Variants in WDR37 observed in about 807,000 individuals in gnomAD.
WDR37 encodes the protein WD repeat domain 37.
A neutral mutation model predicts 62.9 loss-of-function variants in WDR37; 19 were observed. That is an observed-to-expected ratio of 0.30 (90% confidence interval 0.21 to 0.44). The LOEUF is 0.44. Among genes scored for constraint, WDR37 ranks in the 20% least tolerant of loss-of-function variants. The pLI is 1.00. For missense variants in WDR37, 474 were observed against 657.6 expected (o/e 0.72, Z 3.05); for synonymous variants, 250 against 260.9 (o/e 0.96, Z 0.40).
intron 9 of WDR37, 51 bp downstream of exon 9, chr10:1,096,297 T>C: frequency 1.9e-6 from 3 of 1,576,468 alleles, no homozygotes; most frequent in Non-Finnish European, 2.6e-6. Flanking sequence ...TGTCTGCGAA[T>C]CTGAGAATCC....
rs536021072 is a variant in WDR37, at chr10:1,097,833, C to T, written c.726+1587C>T. Among the ~76,000 whole-genome samples the T allele has an allele frequency of 2.0e-5, 3 of 152,324 alleles. No individual in the cohort carries two copies. In the South Asian group the frequency reaches 6.2e-4, roughly 32 times the overall value. ...TGGAAAGGGAGCGTCTGTCCAGTGC[C>T]TGCCCTACTGTTGTATTTTGGGAAC... On this transcript the variant is annotated intron_variant, in intron 9 of 13. Transcript: ENST00000263150.
chr10:1,090,839 G>A (rs1037649771), intron 7 of WDR37, among the ~76,000 whole-genome samples: 6 of 152,156 alleles, frequency 3.9e-5, no homozygotes, highest in African/African-American at 9.7e-5. Flanking sequence ...TGGCATCCCC[G>A]TTTCTGCTCC....
At chr10:1,080,328 C>T (rs763003785) in intron 4 of WDR37, 84 bp from the exon 5 acceptor site, 92 of 1,560,252 alleles carry the variant, frequency 5.9e-5, no homozygotes, top group Non-Finnish European at 7.5e-5. Flanking sequence ...CCCTTTCTTC[C>T]TGTGCAAGAC....
At chr10:1,108,307 C>A (rs916204629) in intron 11 of WDR37, among the ~76,000 whole-genome samples, 1 of 152,124 alleles carries the variant, frequency 6.6e-6, no homozygotes, top group African/African-American at 2.4e-5. Flanking sequence ...AATGGTCCTT[C>A]CCCCATTTTT....
At chr10:1,097,202 T>G (rs1834616952) in intron 9 of WDR37, among the ~76,000 whole-genome samples, 1 of 152,116 alleles carries the variant, frequency 6.6e-6, no homozygotes, top group African/African-American at 2.4e-5. Context: ...AGCCTGTGTC[T>G]GTGACAAAAA....
At chr10:1,125,089 A>C (rs1036796578) in intron 13 of WDR37, 65 bp downstream of exon 13, 1 of 1,568,770 alleles carries the variant, frequency 6.4e-7, no homozygotes, top group African/African-American at 1.4e-5. Flanking sequence ...GATATTTTAC[A>C]TTCTCATTTT....
intron 8 of WDR37, among the ~76,000 whole-genome samples, chr10:1,095,768 T>C (rs1231966053): frequency 6.6e-6 from 1 of 152,094 alleles, no homozygotes; most frequent in African/African-American, 2.4e-5. Flanking sequence ...AAAGGCCGCG[T>C]GTGTGTTGAA....
intron 1 of WDR37, among the ~76,000 whole-genome samples, chr10:1,060,961 C>T (rs1044015506): frequency 6.6e-6 from 1 of 152,158 alleles, no homozygotes; most frequent in African/African-American, 2.4e-5. Flanking sequence ...GGCTGTGCAC[C>T]TAGCTTTGTG....
chr10:1,084,597 T>C, intron 6 of WDR37, 59 bp downstream of exon 6: 3 of 1,583,510 alleles, frequency 1.9e-6, no homozygotes, highest in Non-Finnish European at 2.6e-6. Flanking sequence ...AATCCCTGAG[T>C]GATGGACATT....
In WDR37 at chr10:1,129,555, A is replaced by C. The variant is rs1835911305; in HGVS notation, c.*211A>C. ...ACTTTTGTCTTGTATATGTATGTAT[A>C]TTGGGTCCTCTGGGCAGTAGAGGCA... On this transcript the variant is annotated 3_prime_UTR_variant, in exon 14 of 14. Transcript: ENST00000263150. 1.5e-6 allele frequency: 1 copy of C among 646,000 alleles called. No homozygotes were observed. The highest frequency in any genetic ancestry group is 1.8e-5 in the African/African-American group (1 of 54,504). The allele number at this position is 646,000 out of a possible 1,614,324, so 40.0% of individuals were successfully genotyped here.
intron 13 of WDR37, among the ~76,000 whole-genome samples, chr10:1,126,308 A>G (rs1191529541): frequency 1.3e-4 from 19 of 150,600 alleles, no homozygotes; most frequent in Admixed American, 4.6e-4. Context: ...CGGGAGGCTG[A>G]GGCAGGAGAA....
At chr10:1,111,113 G>C (rs1300053960) in intron 11 of WDR37, among the ~76,000 whole-genome samples, 2 of 152,214 alleles carry the variant, frequency 1.3e-5, no homozygotes, top group African/African-American at 2.4e-5. Context: ...CAACATGTGT[G>C]ACTAAAAATA....
chr10:1,114,066 T>A (rs1782858384), intron 11 of WDR37, among the ~76,000 whole-genome samples: 2 of 147,996 alleles, frequency 1.4e-5, no homozygotes, highest in Non-Finnish European at 3.0e-5. Context: ...AAACAATTCT[T>A]CTGCCTCAGC....
chr10:1,102,161 C>T (rs966989215), intron 9 of WDR37, among the ~76,000 whole-genome samples: 1 of 148,076 alleles, frequency 6.8e-6, no homozygotes, highest in African/African-American at 2.5e-5. Flanking sequence ...TGTTGTGCGT[C>T]CCTGTGACGT....
intron 11 of WDR37, among the ~76,000 whole-genome samples, chr10:1,119,822 G>T (rs1161697599): frequency 6.6e-6 from 1 of 152,216 alleles, no homozygotes; most frequent in Non-Finnish European, 1.5e-5. Flanking sequence ...GAACAGTTCT[G>T]TAGTGCAGCC....
intron 9 of WDR37, among the ~76,000 whole-genome samples, chr10:1,098,734 C>T (rs1213151078): frequency 1.3e-5 from 2 of 152,210 alleles, no homozygotes; most frequent in African/African-American, 4.8e-5. Flanking sequence ...ACACGTTGGT[C>T]ATGGACTTAG....
At chr10:1,071,198 C>T (rs1833718024) in intron 1 of WDR37, among the ~76,000 whole-genome samples, 1 of 152,148 alleles carries the variant, frequency 6.6e-6, no homozygotes, top group Admixed American at 6.6e-5. Context: ...ATGATGGAGG[C>T]ATGTTGGCGT....
At chr10:1,126,152 T>C (rs2131696514) in intron 13 of WDR37, among the ~76,000 whole-genome samples, 1 of 152,252 alleles carries the variant, frequency 6.6e-6, no homozygotes, top group East Asian at 1.9e-4. Context: ...ACGCCTGTAA[T>C]CGTAGCACTT....
chr10:1,098,900 C>T (rs1265448256), intron 9 of WDR37, among the ~76,000 whole-genome samples: 3 of 152,240 alleles, frequency 2.0e-5, no homozygotes, highest in African/African-American at 7.2e-5. Context: ...TTTCAACAGA[C>T]AGTAAACATT....
Sources: gnomAD v4.1 joint callset for allele counts (sites outside exome capture counted in the v4.1 genomes callset) on GRCh38, gnomAD v4.1.1 for gene constraint, MANE v1.5 for transcripts, NCBI Gene and HGNC (gene_info 2026-07-23, HGNC 2026-07-21) for gene names.